SPATA16: variants seen among roughly 807,000 people sequenced by gnomAD.
SPATA16 encodes spermatogenesis-associated protein 16.
In SPATA16, 36 loss-of-function variants were observed where a neutral mutation model predicts 63.3. That is an observed-to-expected ratio of 0.57 (90% confidence interval 0.44 to 0.75). The LOEUF (loss-of-function observed/expected upper bound fraction) is 0.75, where lower values mean the gene tolerates loss of function less well. SPATA16 is among the 30% of genes least tolerant of loss of function. The probability of loss-of-function intolerance (pLI) is 0.00; values close to 1 mark genes in which losing one functional copy is unlikely to be tolerated. For missense variants in SPATA16, 646 were observed against 679.3 expected, an observed-to-expected ratio of 0.95 and a Z score of 0.54; for synonymous variants, 203 against 216.7, an observed-to-expected ratio of 0.94 and a Z score of 0.56.
intron 3 of SPATA16, among the ~76,000 whole-genome samples, chr3:173,047,431 G>C (rs1364623953): frequency 6.7e-6 from 1 of 150,084 alleles, no homozygotes; most frequent in Non-Finnish European, 1.5e-5. Flanking sequence ...AGAAGGTGAG[G>C]TATAATTACT....
At chr3:173,000,045 A>T (rs749502764) in intron 4 of SPATA16, among the ~76,000 whole-genome samples, 2 of 152,196 alleles carry the variant, frequency 1.3e-5, no homozygotes, top group African/African-American at 2.4e-5. Context: ...AAACTTAGTC[A>T]TCAATGTAAC....
intron 10 of SPATA16, among the ~76,000 whole-genome samples, chr3:172,903,836 G>C (rs1230968810): frequency 6.6e-6 from 1 of 152,218 alleles, no homozygotes; most frequent in Non-Finnish European, 1.5e-5. Flanking sequence ...CAAGTCGCCA[G>C]ATGGGCAGCA....
chr3:173,072,241 G>T (rs533975966), intron 2 of SPATA16, among the ~76,000 whole-genome samples: 26 of 152,292 alleles, frequency 1.7e-4, no homozygotes, highest in African/African-American at 5.8e-4. Flanking sequence ...TCATAAAAAA[G>T]AACAAAATCA....
At chr3:173,105,606 A>ATGTC (rs1245038063) in intron 2 of SPATA16, among the ~76,000 whole-genome samples, 2 of 152,066 alleles carry the variant, frequency 1.3e-5, no homozygotes, top group Non-Finnish European at 2.9e-5. Context: ...TGACCCTTCA[A>ATGTC]TGTCTGTCTT....
chr3:173,103,649 C>T (rs1737547467), intron 2 of SPATA16, among the ~76,000 whole-genome samples: 1 of 152,218 alleles, frequency 6.6e-6, no homozygotes, highest in South Asian at 2.1e-4. Flanking sequence ...GGCTCTAGGA[C>T]ATGAAACCAT....
At chr3:172,924,634 A>G (rs997107800) in intron 7 of SPATA16, among the ~76,000 whole-genome samples, 6 of 152,236 alleles carry the variant, frequency 3.9e-5, no homozygotes, top group Non-Finnish European at 7.3e-5. Context: ...AAAATGCGTC[A>G]TAAATGTGTC....
At chr3:172,896,860 G>A (rs1732020359) in intron 10 of SPATA16, among the ~76,000 whole-genome samples, 1 of 151,288 alleles carries the variant, frequency 6.6e-6, no homozygotes, top group Admixed American at 6.6e-5. Flanking sequence ...TGGATGTAGG[G>A]TTTGCAAGTA....
At chr3:173,035,535 T>G (rs1339305034) in intron 3 of SPATA16, among the ~76,000 whole-genome samples, 1 of 152,072 alleles carries the variant, frequency 6.6e-6, no homozygotes, top group Non-Finnish European at 1.5e-5. Context: ...TGGGAGTCTA[T>G]TAAGGGCTGT....
chr3:172,977,797 G>T (rs769730128), intron 4 of SPATA16, among the ~76,000 whole-genome samples: 8 of 152,018 alleles, frequency 5.3e-5, no homozygotes, highest in Non-Finnish European at 1.2e-4. Context: ...ATTCCAAATT[G>T]TCACGTTAGC....
chr3:172,901,019 A>C (rs1732116080), intron 10 of SPATA16, among the ~76,000 whole-genome samples: 1 of 151,842 alleles, frequency 6.6e-6, no homozygotes, highest in African/African-American at 2.4e-5. Context: ...TGTTGAGTCC[A>C]TCCAATAAAT....
intron 4 of SPATA16, among the ~76,000 whole-genome samples, chr3:173,005,854 A>G (rs946629184): frequency 5.3e-5 from 8 of 152,200 alleles, no homozygotes; most frequent in Non-Finnish European, 7.4e-5. Flanking sequence ...TCAAAAGGCC[A>G]TCTTTTCATA....
chr3:172,984,899 C>G (rs930986936), intron 4 of SPATA16, among the ~76,000 whole-genome samples: 1 of 152,168 alleles, frequency 6.6e-6, no homozygotes, highest in African/African-American at 2.4e-5. Context: ...ATAGCAAGTG[C>G]TTTTACATCT....
chr3:173,020,036 C>CT (rs1414377995), intron 3 of SPATA16, among the ~76,000 whole-genome samples: 1 of 151,084 alleles, frequency 6.6e-6, no homozygotes, highest in African/African-American at 2.4e-5. Context: ...TGGCTCATGC[C>CT]TGTAATCCCA....
At chr3:172,921,030 G>T (rs1335889512) in intron 8 of SPATA16, among the ~76,000 whole-genome samples, 1 of 150,432 alleles carries the variant, frequency 6.6e-6, no homozygotes, top group Non-Finnish European at 1.5e-5. Context: ...ATATTTCCTA[G>T]CCATTAGTTC....
chr3:172,941,837 A>G (rs1205208684), intron 6 of SPATA16, among the ~76,000 whole-genome samples: 1 of 152,106 alleles, frequency 6.6e-6, no homozygotes, highest in East Asian at 1.9e-4. Flanking sequence ...GGAAAATATC[A>G]GGTTAGAATA....
At chr3:172,980,956 A>C (rs762775578) in intron 4 of SPATA16, among the ~76,000 whole-genome samples, 1 of 152,174 alleles carries the variant, frequency 6.6e-6, no homozygotes, top group African/African-American at 2.4e-5. Flanking sequence ...CAGCAGGGCT[A>C]TCATTCCCAC....
chr3:173,131,511 G>A (rs1427045248), intron 1 of SPATA16, among the ~76,000 whole-genome samples: 1 of 152,178 alleles, frequency 6.6e-6, no homozygotes, highest in East Asian at 1.9e-4. Flanking sequence ...GGTGGGTAAT[G>A]TTGAAACCTG....
intron 6 of SPATA16, among the ~76,000 whole-genome samples, chr3:172,955,516 G>T (rs192117389): frequency 5.3e-4 from 80 of 152,172 alleles, no homozygotes; most frequent in African/African-American, 1.9e-3. Flanking sequence ...AGCACATATG[G>T]TTATTATGGC....
intron 6 of SPATA16, among the ~76,000 whole-genome samples, chr3:172,943,363 A>C (rs997074264): frequency 6.6e-6 from 1 of 152,244 alleles, no homozygotes; most frequent in African/African-American, 2.4e-5. Context: ...AATGCCTGCT[A>C]TCACTCCTTT....
Sources: gnomAD v4.1 joint callset for allele counts (sites outside exome capture counted in the v4.1 genomes callset) on GRCh38, gnomAD v4.1.1 for gene constraint, MANE v1.5 for transcripts, NCBI Gene and HGNC (gene_info 2026-07-23, HGNC 2026-07-21) for gene names.